The following PLCL1 variants were observed in gnomAD, a reference collection of about 807,000 sequenced individuals.
PLCL1 encodes the protein phospholipase C like 1 (inactive).
PLCL1 carries 41 observed loss-of-function variants against 84.4 expected under a neutral mutation model. The observed-to-expected ratio is 0.49, with a 90% CI of 0.38 to 0.63. The LOEUF (loss-of-function observed/expected upper bound fraction) is 0.63, where lower values mean the gene tolerates loss of function less well. Among genes scored for constraint, PLCL1 ranks in the 30% least tolerant of loss-of-function variants. The probability of loss-of-function intolerance (pLI) is 0.00; values close to 1 mark genes in which losing one functional copy is unlikely to be tolerated. For synonymous variants in PLCL1, 490 were observed against 488.3 expected (o/e 1.00, Z -0.05); for missense variants, 1,206 against 1,367.8 (o/e 0.88, Z 1.87).
chr2:197,901,908 C>T (rs1688275399), intron 1 of PLCL1, among the ~76,000 whole-genome samples: 1 of 152,096 alleles, frequency 6.6e-6, no homozygotes, highest in Non-Finnish European at 1.5e-5. Context: ...TGCCCAAAGT[C>T]AAAATTCCCT....
chr2:198,101,324 A>C lies in PLCL1; in HGVS notation c.2959A>C (p.Thr987Pro). The C allele has an allele frequency of 6.2e-7, 1 of 1,600,046 alleles. No homozygotes were observed. Among genetic ancestry groups the C allele is most frequent in the East Asian group, 2.2e-5 (1 of 44,668 alleles). The change falls in exon 4 of 6, where the codon ACA (threonine) becomes CCA (proline). Residue 987 changes from threonine (T) to proline (P), a missense_variant. Transcript: ENST00000428675. ...CCGGTTTCTCATAGAAATGGCGGACACAGTCCAGGAAAAGATTGTACAGTG... is the reference window on the plus strand; with the variant it reads ...CCGGTTTCTCATAGAAATGGCGGACCCAGTCCAGGAAAAGATTGTACAGTG... ...ESRFLIEMADTVQEKIVQCQK... is the reference protein window; with the variant it reads ...ESRFLIEMADPVQEKIVQCQK...
intron 1 of PLCL1, among the ~76,000 whole-genome samples, chr2:198,001,181 A>G (rs145627938): frequency 3.9e-5 from 6 of 152,290 alleles, no homozygotes; most frequent in African/African-American, 1.4e-4. Flanking sequence ...TGGAGATGAC[A>G]CTGTGCAACC....
intron 1 of PLCL1, among the ~76,000 whole-genome samples, chr2:197,911,433 A>G (rs1688482948): frequency 6.6e-6 from 1 of 152,128 alleles, no homozygotes; most frequent in Non-Finnish European, 1.5e-5. Flanking sequence ...TCCCTTTTAT[A>G]TTTGAGGGAA....
At chr2:198,050,155 A>T (rs1691891373) in intron 1 of PLCL1, among the ~76,000 whole-genome samples, 1 of 152,182 alleles carries the variant, frequency 6.6e-6, no homozygotes, top group Non-Finnish European at 1.5e-5. Flanking sequence ...TCTAGCTCAC[A>T]GTTGCCTGGT....
In PLCL1 at chr2:198,083,838, T is replaced by C. The variant is rs368822901; in HGVS notation, c.321T>C (p.Ser107=). 2.5e-6 allele frequency: 4 copies of C among 1,614,004 alleles called. No homozygotes were observed. Among genetic ancestry groups the C allele is most frequent in the Admixed American group, 3.3e-5 (2 of 60,006 alleles). ...TGCCATCGGAAAAGAAAATTAGCAG[T>C]GCAAATGACTGCATCAGCTTCATGC... ...SSMPSEKKIS[S]ANDCISFMQA... Residue 107 remains serine (S), a synonymous_variant, in exon 2 of 6, where the codon AGT becomes AGC. Transcript: ENST00000428675.
intron 3 of PLCL1, among the ~76,000 whole-genome samples, chr2:198,096,029 T>C (rs1011194012): frequency 5.9e-5 from 9 of 152,226 alleles, no homozygotes; most frequent in African/African-American, 1.9e-4. Context: ...GTCTTTAGGC[T>C]TTTAATTATT....
intron 1 of PLCL1, among the ~76,000 whole-genome samples, chr2:197,830,838 G>C (rs1219058799): frequency 6.6e-6 from 1 of 152,172 alleles, no homozygotes; most frequent in Non-Finnish European, 1.5e-5. Flanking sequence ...CAGAAACCAT[G>C]CAAGCCAGAA....
chr2:197,903,956 C>T (rs1688326007), intron 1 of PLCL1, among the ~76,000 whole-genome samples: 2 of 151,686 alleles, frequency 1.3e-5, no homozygotes, highest in Admixed American at 1.3e-4. Flanking sequence ...GCATGTACCA[C>T]CACACCCAAC....
chr2:197,955,325 G>T (rs1424098117), intron 1 of PLCL1, among the ~76,000 whole-genome samples: 1 of 151,784 alleles, frequency 6.6e-6, no homozygotes, highest in Non-Finnish European at 1.5e-5. Context: ...TTGACAGTCT[G>T]GTGTGAGTCC....
intron 1 of PLCL1, among the ~76,000 whole-genome samples, chr2:197,918,739 T>C (rs115925503): frequency 6.6e-6 from 1 of 152,112 alleles, no homozygotes; most frequent in East Asian, 1.9e-4. Context: ...CTGAGCAACA[T>C]GGCGAAACTC....
intron 5 of PLCL1, among the ~76,000 whole-genome samples, chr2:198,128,314 A>C (rs1315908930): frequency 1.3e-5 from 2 of 152,148 alleles, no homozygotes; most frequent in African/African-American, 4.8e-5. Flanking sequence ...TCATCTAGAC[A>C]GGGGAATCGC....
chr2:198,134,451 G>A (rs1694206010), intron 5 of PLCL1, among the ~76,000 whole-genome samples: 1 of 152,030 alleles, frequency 6.6e-6, no homozygotes, highest in Non-Finnish European at 1.5e-5. Flanking sequence ...TGACTCATTG[G>A]GCGGAGGGTG....
chr2:198,067,374 C>T (rs888334213), intron 1 of PLCL1, among the ~76,000 whole-genome samples: 7 of 152,078 alleles, frequency 4.6e-5, no homozygotes, highest in African/African-American at 2.4e-5. Flanking sequence ...GTGATCCACC[C>T]GCCTCGGCCT....
chr2:198,133,224 T>C (rs1226527931), intron 5 of PLCL1, among the ~76,000 whole-genome samples: 8 of 151,972 alleles, frequency 5.3e-5, no homozygotes, highest in Non-Finnish European at 1.2e-4. Flanking sequence ...ATATCCTTTG[T>C]AGGGACATGG....
chr2:197,894,647 T>C (rs1005778991), intron 1 of PLCL1, among the ~76,000 whole-genome samples: 1 of 152,032 alleles, frequency 6.6e-6, no homozygotes. Flanking sequence ...AAGAATGGTG[T>C]AGGATCAGCA....
intron 1 of PLCL1, among the ~76,000 whole-genome samples, chr2:197,828,645 G>T (rs1690984895): frequency 1.3e-5 from 2 of 152,130 alleles, no homozygotes; most frequent in South Asian, 4.1e-4. Flanking sequence ...ATATAGTGAT[G>T]TGAAATATGC....
At chr2:197,965,566 C>T (rs560466476) in intron 1 of PLCL1, among the ~76,000 whole-genome samples, 11 of 152,106 alleles carry the variant, frequency 7.2e-5, no homozygotes, top group African/African-American at 2.6e-4. Flanking sequence ...CTTTCATCTT[C>T]ACTATTTTTT....
At chr2:198,109,904 G>A (rs1693573777) in intron 5 of PLCL1, among the ~76,000 whole-genome samples, 1 of 151,226 alleles carries the variant, frequency 6.6e-6, no homozygotes, top group South Asian at 2.1e-4. Flanking sequence ...GCAGGCTGGA[G>A]AAGTATCAAG....
chr2:197,930,741 C>T (rs948698639), intron 1 of PLCL1, among the ~76,000 whole-genome samples: 12 of 152,156 alleles, frequency 7.9e-5, no homozygotes, highest in African/African-American at 1.7e-4. Flanking sequence ...TTTCAGGGAG[C>T]CATCTTGCTC....
Sources: allele counts gnomAD v4.1 joint callset (sites outside exome capture counted in the v4.1 genomes callset), GRCh38; gene constraint gnomAD v4.1.1; transcripts MANE v1.5; gene names NCBI Gene and HGNC (gene_info 2026-07-23, HGNC 2026-07-21).